Variants in DST observed in about 807,000 individuals in gnomAD.
DST encodes the protein dystonin, also known as bullous pemphigoid antigen.
A neutral mutation model predicts 875.2 loss-of-function variants in DST; 253 were observed. The observed-to-expected ratio is 0.29, with a 90% CI of 0.26 to 0.32. The LOEUF (loss-of-function observed/expected upper bound fraction) is 0.32, where lower values mean the gene tolerates loss of function less well. Ranked by LOEUF, DST falls within the 10% of genes least tolerant of loss-of-function variation. DST has a pLI of 1.00. For missense variants in DST, 8,287 were observed against 9,111.6 expected (o/e 0.91, Z 3.68); for synonymous variants, 3,124 against 3,197.1 (o/e 0.98, Z 0.77).
intron 28 of DST, 123 bp from the exon 29 acceptor site, chr6:56,632,163 T>C (rs1325898842): frequency 1.6e-5 from 11 of 671,096 alleles, no homozygotes; most frequent in Non-Finnish European, 2.8e-5. Context: ...GATTCCTGTT[T>C]TCATCACAAA....
rs376856354 is a variant in DST, at chr6:56,610,570, A to G, written c.5148-8T>C. 533 of 1,570,460 alleles carry G rather than the reference A, an allele frequency of 3.4e-4. 1 individual carries two copies. The highest frequency in any genetic ancestry group is 3.6e-4 in the Non-Finnish European group (419 of 1,161,790). On this transcript the variant is annotated splice_region_variant and splice_polypyrimidine_tract_variant and intron_variant, in intron 38 of 103. Coordinates refer to ENST00000680361, the MANE Select transcript of DST (RefSeq NM_001374736.1). ...CTTTCTTCATCTGTCATTCTAAATAACCAGAAATGATAAAAAGACTAATGC... is the reference window on the plus strand; with the variant it reads ...CTTTCTTCATCTGTCATTCTAAATAGCCAGAAATGATAAAAAGACTAATGC...
At chr6:56,792,796 G>T (rs1285753610) in intron 4 of DST, among the ~76,000 whole-genome samples, 1 of 152,144 alleles carries the variant, frequency 6.6e-6, no homozygotes, top group African/African-American at 2.4e-5. Context: ...GGCTGGGCAT[G>T]GTAGCTCACG....
chr6:56,888,708 G>T (rs2127655795), intron 3 of DST, among the ~76,000 whole-genome samples: 1 of 152,250 alleles, frequency 6.6e-6, no homozygotes, highest in South Asian at 2.1e-4. Context: ...CTACAAATAT[G>T]ACAAAATCTG....
intron 51 of DST, among the ~76,000 whole-genome samples, 187 bp from the exon 52 acceptor site, chr6:56,573,251 G>C (rs1285669132): frequency 6.6e-6 from 1 of 152,176 alleles, no homozygotes; most frequent in Non-Finnish European, 1.5e-5. Flanking sequence ...CTCTCTGAGA[G>C]AGTGAAGAAC....
Position 56,482,817 on chromosome 6 carries a change from G to C in DST, c.21268C>G (p.Arg7090Gly), listed in dbSNP as rs753400637. Residue 7090 changes from arginine (R) to glycine (G), a missense_variant, in exon 89 of 104, where the codon CGA (arginine) becomes GGA (glycine). Around this residue, in one of 10 missense-constraint regions of DST, gnomAD observed 1,292 missense variants for 1,552.7 expected, o/e 0.83. Coordinates refer to ENST00000680361, the MANE Select transcript of DST (RefSeq NM_001374736.1). ...SSVQALKRSA[R>G]ELIEGSRDDS... is the part of the protein sequence containing the mutation. ...TCCCGACTGCCTTCTATGAGTTCTC[G>C]GGCTGAGCGCTTCAGGGCCTGCACA... 3 of 1,613,130 alleles carry C rather than the reference G, an allele frequency of 1.9e-6. No individual in the cohort carries two copies. The highest frequency in any genetic ancestry group is 2.7e-5 in the African/African-American group (2 of 74,862).
intron 4 of DST, among the ~76,000 whole-genome samples, chr6:56,830,667 A>G (rs1265466314): frequency 1.3e-5 from 2 of 152,212 alleles, no homozygotes; most frequent in African/African-American, 4.8e-5. Flanking sequence ...TTTTCCCTCA[A>G]GTAACTAAAT....
rs368365060 is a variant in DST, at chr6:56,651,458, T to C, written c.1215-214A>G. On this transcript the variant is annotated intron_variant, in intron 10 of 103. Coordinates refer to ENST00000680361, the MANE Select transcript of DST (RefSeq NM_001374736.1). ...ATATAACAATGAAAATATAACAATT[T>C]GAACATATATAAATTTCAACAAAGT... 3.7e-3 allele frequency among the ~76,000 whole-genome samples: 557 copies of C among 152,334 alleles called. 3 individuals carry two copies. The highest frequency in any genetic ancestry group is 6.3e-3 in the Non-Finnish European group (426 of 68,028).
chr6:56,604,810 G>T lies in DST; in HGVS notation c.9818C>A (p.Ser3273Ter), dbSNP rs972168431. The T allele has an allele frequency of 6.2e-7, 1 of 1,612,602 alleles. No homozygotes were observed. The highest frequency in any genetic ancestry group is 8.5e-7 in the Non-Finnish European group (1 of 1,179,276). Residue 3273 changes from serine (S) to a stop codon, truncating the protein, a stop_gained, in exon 40 of 104, where the codon TCA becomes TAA. Coordinates refer to ENST00000680361, the MANE Select transcript of DST (RefSeq NM_001374736.1). LOFTEE classifies it high-confidence loss of function. ...FTPESIEATL[S>*]ILSRKHVEDV... ...TTCTACATGTTTACGAGATAATATTGAAAGTGTGGCTTCAATACTTTCTGG... is the reference window on the plus strand; with the variant it reads ...TTCTACATGTTTACGAGATAATATTTAAAGTGTGGCTTCAATACTTTCTGG...
intron 9 of DST, chr6:56,692,553 AC>A: frequency 3.9e-6 from 5 of 1,289,704 alleles, no homozygotes; most frequent in Non-Finnish European, 5.1e-6. Context: ...CAGGAAACCC[AC>A]TTTTTTCGAG....
intron 15 of DST, 36 bp downstream of exon 15, chr6:56,645,830 A>C: frequency 6.2e-7 from 1 of 1,605,308 alleles, no homozygotes; most frequent in Non-Finnish European, 8.5e-7. Flanking sequence ...CCCCCTCCCC[A>C]CTTGATATTC....
Position 56,459,270 on chromosome 6 carries a change from G to C in DST, c.23195-3C>G. On this transcript the variant is annotated splice_polypyrimidine_tract_variant and splice_region_variant and intron_variant, in intron 103 of 103. Transcript: ENST00000680361. The stretch of plus-strand genomic sequence containing the variant: ...TCGGCTGGGAGTCTTCTTGGAATCT[G>C]AGGAAAGAAGGTAGAGACAGCTCAC... 1 of 1,610,986 alleles carries C rather than the reference G, an allele frequency of 6.2e-7. No individual in the cohort carries two copies. The highest frequency in any genetic ancestry group is 8.5e-7 in the Non-Finnish European group (1 of 1,178,354).
At chr6:56,465,296 A>G (rs2094525627) in intron 99 of DST, among the ~76,000 whole-genome samples, 1 of 152,152 alleles carries the variant, frequency 6.6e-6, no homozygotes, top group South Asian at 2.1e-4. Context: ...TGACGTGAAC[A>G]TTTGTTGTTT....
At chr6:56,802,826 T>G (rs548714282) in intron 4 of DST, among the ~76,000 whole-genome samples, 1 of 152,294 alleles carries the variant, frequency 6.6e-6, no homozygotes, top group African/African-American at 2.4e-5. Context: ...AATATAAACA[T>G]CCCCATTCAT....
chr6:56,549,146 AAG>A (rs1284557949), intron 61 of DST, among the ~76,000 whole-genome samples: 1 of 152,188 alleles, frequency 6.6e-6, no homozygotes, highest in Non-Finnish European at 1.5e-5. Context: ...CAGTGAATAG[AAG>A]GCACCCCCTG....
At chr6:56,844,222 A>C (rs965089937) in intron 4 of DST, among the ~76,000 whole-genome samples, 1 of 152,154 alleles carries the variant, frequency 6.6e-6, no homozygotes, top group East Asian at 1.9e-4. Context: ...AGGCCTCTGC[A>C]GGTGGCCCCG....
At chr6:56,845,659 C>G (rs2127564380) in intron 4 of DST, among the ~76,000 whole-genome samples, 2 of 152,340 alleles carry the variant, frequency 1.3e-5, no homozygotes, top group Admixed American at 1.3e-4. Flanking sequence ...GAAAGTCATT[C>G]ATTTACAGAC....
chr6:56,513,745 G>A (rs868351089), intron 72 of DST, among the ~76,000 whole-genome samples: 1 of 152,316 alleles, frequency 6.6e-6, no homozygotes, highest in Middle Eastern at 3.4e-3. Context: ...AGGTATGTGT[G>A]TGTATCAGAA....
intron 36 of DST, chr6:56,617,933 A>G: frequency 1.3e-6 from 2 of 1,494,738 alleles, no homozygotes; most frequent in East Asian, 2.3e-5. Flanking sequence ...AAGGAAACAA[A>G]TGAGGAAACT....
intron 3 of DST, among the ~76,000 whole-genome samples, chr6:56,899,100 T>C (rs1234728778): frequency 6.6e-6 from 1 of 152,188 alleles, no homozygotes; most frequent in Non-Finnish European, 1.5e-5. Flanking sequence ...TCATTATCCA[T>C]AAAATGGGAA....
Sources: allele counts gnomAD v4.1 joint callset (sites outside exome capture counted in the v4.1 genomes callset), GRCh38; gene constraint gnomAD v4.1.1; regional missense constraint gnomAD v4.1.1; transcripts MANE v1.5; gene names NCBI Gene and HGNC (gene_info 2026-07-23, HGNC 2026-07-21).